KIAA1549L: variants seen among roughly 807,000 people sequenced by gnomAD.
KIAA1549L encodes the protein KIAA1549 like.
Under a neutral mutation model 160.7 loss-of-function variants are expected in KIAA1549L, and 88 were observed. That is an observed-to-expected ratio of 0.55 (90% CI 0.46 to 0.65). The LOEUF (loss-of-function observed/expected upper bound fraction) is 0.65, where lower values mean the gene tolerates loss of function less well. KIAA1549L is among the 30% of genes least tolerant of loss of function. The probability of loss-of-function intolerance (pLI) is 0.00; values close to 1 mark genes in which losing one functional copy is unlikely to be tolerated. For synonymous variants in KIAA1549L, 950 were observed against 976.7 expected, an observed-to-expected ratio of 0.97 and a Z score of 0.51; for missense variants, 2,258 against 2,437.5, an observed-to-expected ratio of 0.93 and a Z score of 1.55.
chr11:33,377,882 C>G (rs1299458434), intron 1 of KIAA1549L, among the ~76,000 whole-genome samples: 1 of 152,194 alleles, frequency 6.6e-6, no homozygotes, highest in East Asian at 1.9e-4. Flanking sequence ...TATTTCTCGT[C>G]TTCAGCAGCT....
intron 1 of KIAA1549L, among the ~76,000 whole-genome samples, chr11:33,524,672 A>G (rs1423350705): frequency 6.6e-6 from 1 of 152,198 alleles, no homozygotes; most frequent in Non-Finnish European, 1.5e-5. Flanking sequence ...CTTAAAAAAT[A>G]TGTATAAAGG....
intron 9 of KIAA1549L, among the ~76,000 whole-genome samples, chr11:33,573,153 G>T (rs1327090826): frequency 1.3e-5 from 2 of 152,056 alleles, no homozygotes; most frequent in Admixed American, 6.6e-5. Context: ...GTTATGTATA[G>T]CATATACACA....
At chr11:33,563,380 G>T (rs562587307) in intron 8 of KIAA1549L, among the ~76,000 whole-genome samples, 8 of 151,326 alleles carry the variant, frequency 5.3e-5, no homozygotes, top group East Asian at 1.9e-4. Flanking sequence ...AATTGGAAGT[G>T]GGGGGACACA....
Position 33,598,820 on chromosome 11 carries a change from C to G in KIAA1549L, c.4752C>G (p.Ser1584Arg). The change falls in exon 13 of 21, where the codon AGC (serine) becomes AGG (arginine). Residue 1584 changes from serine to arginine, a missense_variant and splice_region_variant. Around this residue, in one of 6 missense-constraint regions of KIAA1549L, gnomAD observed 1,359 missense variants for 1,546.6 expected, o/e 0.88. Transcript: ENST00000658780. ...KTAKSTETRK[S>R]RSPSENGSVI... ...CCCCTGTTGCTATGGTTACCTCCAGCAGGTCGCCCAGTGAGAATGGCTCTG... is the reference window on the plus strand; with the variant it reads ...CCCCTGTTGCTATGGTTACCTCCAGGAGGTCGCCCAGTGAGAATGGCTCTG... The G allele has an allele frequency of 6.2e-7, 1 of 1,613,840 alleles. No homozygotes were observed. The highest frequency in any genetic ancestry group is 8.5e-7 in the Non-Finnish European group (1 of 1,179,774).
intron 1 of KIAA1549L, among the ~76,000 whole-genome samples, chr11:33,531,621 G>A (rs1019317329): frequency 1.3e-5 from 2 of 152,230 alleles, no homozygotes; most frequent in Non-Finnish European, 2.9e-5. Flanking sequence ...TATCAGTGCA[G>A]TCAACAGAAT....
chr11:33,406,729 C>T (rs77770195), intron 1 of KIAA1549L, among the ~76,000 whole-genome samples: 1 of 152,192 alleles, frequency 6.6e-6, no homozygotes. Flanking sequence ...TCTTTCTTCA[C>T]GAATCTAATT....
chr11:33,531,149 G>T (rs2133150004), intron 1 of KIAA1549L, among the ~76,000 whole-genome samples: 1 of 152,284 alleles, frequency 6.6e-6, no homozygotes, highest in South Asian at 2.1e-4. Context: ...TTAAAAAGAA[G>T]TGAAAGTGAA....
intron 1 of KIAA1549L, among the ~76,000 whole-genome samples, chr11:33,500,944 A>T (rs1397803154): frequency 1.3e-5 from 2 of 152,122 alleles, no homozygotes; most frequent in Admixed American, 6.6e-5. Context: ...CATTGTGTTT[A>T]GTTTGTGATC....
chr11:33,476,744 C>G (rs1356045741), intron 1 of KIAA1549L, among the ~76,000 whole-genome samples: 1 of 152,280 alleles, frequency 6.6e-6, no homozygotes, highest in East Asian at 1.9e-4. Flanking sequence ...CTCAGTTGTC[C>G]CCTTAGAGGG....
At chr11:33,460,564 A>G (rs1851922792) in intron 1 of KIAA1549L, among the ~76,000 whole-genome samples, 1 of 152,120 alleles carries the variant, frequency 6.6e-6, no homozygotes, top group Non-Finnish European at 1.5e-5. Context: ...GCCTGGGTCT[A>G]TGTCCATGGA....
chr11:33,466,975 G>T (rs1255189626), intron 1 of KIAA1549L, among the ~76,000 whole-genome samples: 2 of 147,660 alleles, frequency 1.4e-5, no homozygotes, highest in East Asian at 2.0e-4. Flanking sequence ...GTTGGGGGGT[G>T]GGGGGTTGGG....
chr11:33,497,794 A>T (rs777221252), intron 1 of KIAA1549L, among the ~76,000 whole-genome samples: 1 of 152,262 alleles, frequency 6.6e-6, no homozygotes, highest in Non-Finnish European at 1.5e-5. Context: ...TTGAAGAAAT[A>T]TGTGTACACA....
rs145595184 is a variant in KIAA1549L, at chr11:33,393,108, C to T, written c.238+16219C>T. ...AACTCAGTTTGACTTCATTGCTTAG[C>T]AATCTGGGTCCTTTATGAATGAACC... On this transcript the variant is annotated intron_variant, in intron 1 of 20. Coordinates refer to ENST00000658780, the MANE Select transcript of KIAA1549L (RefSeq NM_012194.3). Among the ~76,000 whole-genome samples the T allele has an allele frequency of 6.4e-4, 98 of 152,040 alleles. 1 individual carries two copies. Among genetic ancestry groups the T allele is most frequent in the African/African-American group, 2.1e-3 (88 of 41,560 alleles).
intron 10 of KIAA1549L, among the ~76,000 whole-genome samples, chr11:33,580,820 A>G (rs771178495): frequency 1.6e-4 from 24 of 152,148 alleles, no homozygotes; most frequent in Admixed American, 6.5e-5. Context: ...AATAAGTAAC[A>G]TGTTTGACGC....
rs1436332158 is a variant in KIAA1549L, at chr11:33,671,832, G to A, written c.*3678G>A. On this transcript the variant is annotated 3_prime_UTR_variant, in exon 21 of 21. Transcript: ENST00000658780. Reference sequence around the variant, plus strand: ...TCTTAAAAGTTTAAAAACAGGATTTGTACTTAATCCTAAATTCCTCTTATC... The same window carrying A: ...TCTTAAAAGTTTAAAAACAGGATTTATACTTAATCCTAAATTCCTCTTATC... 1 of 152,166 alleles carries A rather than the reference G, an allele frequency of 6.6e-6. No homozygotes were observed. Among genetic ancestry groups the A allele is most frequent in the African/African-American group, 2.4e-5 (1 of 41,438 alleles). The allele number at this position is 152,166 out of a possible 1,614,324, so 9.4% of individuals were successfully genotyped here.
rs146493837 is a variant in KIAA1549L, at chr11:33,476,851, C to G, written c.239-64951C>G. 1.6e-4 allele frequency among the ~76,000 whole-genome samples: 24 copies of G among 152,316 alleles called. No individual in the cohort carries two copies. In the East Asian group the frequency reaches 4.6e-3, roughly 29 times the overall value. ...CTTTGCTTTTTCACAAAACCTATTC[C>G]TACTTGAACATCTCTCGTTTATTTA... On this transcript the variant is annotated intron_variant, in intron 1 of 20. Transcript: ENST00000658780.
At chr11:33,417,409 T>C (rs946004324) in intron 1 of KIAA1549L, among the ~76,000 whole-genome samples, 4 of 152,222 alleles carry the variant, frequency 2.6e-5, no homozygotes, top group Non-Finnish European at 5.9e-5. Flanking sequence ...TGTTTTATTC[T>C]GTTCTATTTC....
At chr11:33,418,955 C>T (rs549133110) in intron 1 of KIAA1549L, among the ~76,000 whole-genome samples, 9 of 149,672 alleles carry the variant, frequency 6.0e-5, no homozygotes, top group African/African-American at 1.7e-4. Context: ...GCTGGAATGT[C>T]GTGGTGTGAT....
Position 33,671,660 on chromosome 11 carries a change from TTAAC to T in KIAA1549L, c.*3510_*3513del, listed in dbSNP as rs1198186371. 3 of 149,474 alleles carry T rather than the reference TTAAC, an allele frequency of 2.0e-5. No homozygotes were observed. The highest frequency in any genetic ancestry group is 4.2e-4 in the South Asian group (2 of 4,748). The allele number at this position is 149,474 out of a possible 1,614,324, so 9.3% of individuals were successfully genotyped here. On this transcript the variant is annotated 3_prime_UTR_variant, in exon 21 of 21. Coordinates refer to ENST00000658780, the MANE Select transcript of KIAA1549L (RefSeq NM_012194.3). ...ATGTAGAATGGAGGAGGTGAGGAAT[TTAAC>T]TAATAGAGATGCTTTTTCTAACAGG... is the stretch of plus-strand genomic sequence containing the variant.
Sources: allele counts gnomAD v4.1 joint callset (sites outside exome capture counted in the v4.1 genomes callset), GRCh38; gene constraint gnomAD v4.1.1; regional missense constraint gnomAD v4.1.1; transcripts MANE v1.5; gene names NCBI Gene and HGNC (gene_info 2026-07-23, HGNC 2026-07-21).